The following PXDN variants were observed in gnomAD, a reference collection of about 807,000 sequenced individuals.
The protein encoded by PXDN is peroxidasin homolog.
PXDN carries 77 observed loss-of-function variants against 140.3 expected under a neutral mutation model. That is an observed-to-expected ratio of 0.55 (90% confidence interval 0.46 to 0.66). PXDN has a LOEUF of 0.66. Ranked by LOEUF, PXDN falls within the 30% of genes least tolerant of loss-of-function variation. The pLI is 0.00. For synonymous variants in PXDN, 911 were observed against 857.4 expected, an observed-to-expected ratio of 1.06 and a Z score of -1.09; for missense variants, 1,838 against 2,039.5, an observed-to-expected ratio of 0.90 and a Z score of 1.90.
At position 1,733,012 on chromosome 2, in the gene PXDN, A is replaced by G. The variant is rs150484216; in HGVS notation, c.200+11244T>C. 9.5e-3 allele frequency among the ~76,000 whole-genome samples: 1,450 copies of G among 152,336 alleles called. 6 individuals are homozygous for G. The highest frequency in any genetic ancestry group is 0.015 in the Non-Finnish European group (999 of 68,026). ...TGAGAAAGAAAGACTTGTTACTTTCAAGACAAAAAATAGAAACTACCCAAA... is the reference window on the plus strand; with the variant it reads ...TGAGAAAGAAAGACTTGTTACTTTCGAGACAAAAAATAGAAACTACCCAAA... On this transcript the variant is annotated intron_variant, in intron 1 of 22. Transcript: ENST00000252804.
intron 11 of PXDN, chr2:1,664,138 G>A (rs574564308): frequency 1.0e-5 from 2 of 197,650 alleles, no homozygotes; most frequent in Non-Finnish European, 2.1e-5. Flanking sequence ...GTTCCTTTCC[G>A]GGATAAACCT....
chr2:1,677,826 A>C (rs926626332), intron 7 of PXDN, among the ~76,000 whole-genome samples: 1 of 152,242 alleles, frequency 6.6e-6, no homozygotes, highest in Non-Finnish European at 1.5e-5. Flanking sequence ...ATCTGTCTCC[A>C]TGTACATTCT....
At chr2:1,705,410 T>C (rs2125462210) in intron 1 of PXDN, among the ~76,000 whole-genome samples, 1 of 149,608 alleles carries the variant, frequency 6.7e-6, no homozygotes, top group Middle Eastern at 3.5e-3. Context: ...CCCCATGACC[T>C]GGGACACAGG....
intron 7 of PXDN, among the ~76,000 whole-genome samples, chr2:1,679,491 A>C (rs1258994303): frequency 4.9e-5 from 5 of 103,014 alleles, no homozygotes; most frequent in Non-Finnish European, 7.9e-5. Flanking sequence ...TTTGTGTGTA[A>C]ATGGTGTGTG....
chr2:1,689,845 CAT>C (rs1257021645), intron 3 of PXDN, among the ~76,000 whole-genome samples: 1 of 151,544 alleles, frequency 6.6e-6, no homozygotes, highest in Admixed American at 6.6e-5. Flanking sequence ...TCTACTTCAT[CAT>C]AGAGTTGACC....
At chr2:1,691,864 G>T in intron 3 of PXDN, 64 bp downstream of exon 3, 1 of 1,036,544 alleles carries the variant, frequency 9.6e-7, no homozygotes, top group South Asian at 1.7e-5. Flanking sequence ...ACGAAATTTA[G>T]CTCTATTTTT....
chr2:1,691,898 T>C (rs1204869724), intron 3 of PXDN, 30 bp downstream of exon 3: 2 of 1,371,760 alleles, frequency 1.5e-6, no homozygotes, highest in East Asian at 5.1e-5. Flanking sequence ...ACCATAAGCT[T>C]TTAGGTTAAA....
intron 19 of PXDN, among the ~76,000 whole-genome samples, chr2:1,640,131 G>A (rs1170080736): frequency 6.8e-6 from 1 of 147,900 alleles, no homozygotes; most frequent in African/African-American, 2.5e-5. Flanking sequence ...TGGTCCCCGG[G>A]TGAGTGAGGG....
At chr2:1,655,701 T>A (rs539549096) in intron 14 of PXDN, among the ~76,000 whole-genome samples, 18 of 76,640 alleles carry the variant, frequency 2.3e-4, no homozygotes, top group African/African-American at 7.4e-4. Flanking sequence ...CCCTCCTGAC[T>A]GAAACCTGCC....
At chr2:1,637,976 G>A (rs1682614840) in intron 21 of PXDN, among the ~76,000 whole-genome samples, 3 of 151,986 alleles carry the variant, frequency 2.0e-5, no homozygotes, top group Non-Finnish European at 4.4e-5. Flanking sequence ...TGCAGAGGCA[G>A]GAGGACCTGC....
At chr2:1,708,205 G>A (rs1001656936) in intron 1 of PXDN, among the ~76,000 whole-genome samples, 2 of 152,218 alleles carry the variant, frequency 1.3e-5, no homozygotes, top group Non-Finnish European at 2.9e-5. Context: ...GCAGGCCCAG[G>A]TCTCATCACG....
chr2:1,723,731 T>C (rs1176463333), intron 1 of PXDN, among the ~76,000 whole-genome samples: 2 of 151,940 alleles, frequency 1.3e-5, no homozygotes, highest in Non-Finnish European at 2.9e-5. Context: ...GGGTTATGGA[T>C]GGATGGGTAA....
chr2:1,664,737 G>A, intron 11 of PXDN: 1 of 508,502 alleles, frequency 2.0e-6, no homozygotes, highest in Non-Finnish European at 3.5e-6. Context: ...GCTTCTCAGA[G>A]TTTCCTGCCA....
intron 1 of PXDN, among the ~76,000 whole-genome samples, chr2:1,695,106 C>T (rs984521239): frequency 2.0e-5 from 3 of 152,192 alleles, no homozygotes; most frequent in Admixed American, 6.5e-5. Flanking sequence ...GGAACCCACA[C>T]GCAAGCCACA....
intron 1 of PXDN, among the ~76,000 whole-genome samples, chr2:1,743,245 C>T (rs773417885): frequency 1.4e-4 from 22 of 152,206 alleles, no homozygotes; most frequent in Non-Finnish European, 3.1e-4. Flanking sequence ...AGGGTGTCAA[C>T]CCCAACGCAA....
At chr2:1,731,037 T>A (rs1239504101) in intron 1 of PXDN, among the ~76,000 whole-genome samples, 1 of 151,954 alleles carries the variant, frequency 6.6e-6, no homozygotes, top group Non-Finnish European at 1.5e-5. Flanking sequence ...TCACTGTAAG[T>A]CCCAGAACAC....
chr2:1,721,577 C>T (rs1572193252), intron 1 of PXDN, among the ~76,000 whole-genome samples: 1 of 152,212 alleles, frequency 6.6e-6, no homozygotes, highest in African/African-American at 2.4e-5. Flanking sequence ...TGGCTCACGC[C>T]TGTAATCCCA....
intron 1 of PXDN, among the ~76,000 whole-genome samples, chr2:1,708,647 C>T (rs1684678765): frequency 6.6e-6 from 1 of 152,164 alleles, no homozygotes; most frequent in Non-Finnish European, 1.5e-5. Context: ...AAGGAAGAAA[C>T]AGTGAGAGCT....
Position 1,741,013 on chromosome 2 carries a change from C to T in PXDN, c.200+3243G>A, listed in dbSNP as rs183628933. 3.6e-3 allele frequency among the ~76,000 whole-genome samples: 550 copies of T among 152,268 alleles called. 5 individuals carry two copies. Among genetic ancestry groups the T allele is most frequent in the South Asian group, 0.031 (149 of 4,820 alleles). On this transcript the variant is annotated intron_variant, in intron 1 of 22. Coordinates refer to ENST00000252804, the MANE Select transcript of PXDN (RefSeq NM_012293.3). The stretch of plus-strand genomic sequence containing the variant: ...TTTGGGACAACTCATGGCTTTGCAG[C>T]GGCCTGGACTGTGGTGAGGATGTTA...
Sources: gnomAD v4.1 joint callset for allele counts (sites outside exome capture counted in the v4.1 genomes callset) on GRCh38, gnomAD v4.1.1 for gene constraint, MANE v1.5 for transcripts, NCBI Gene and HGNC (gene_info 2026-07-23, HGNC 2026-07-21) for gene names.